MECOM: variants seen among roughly 807,000 people sequenced by gnomAD.
MECOM encodes the protein histone-lysine N-methyltransferase MECOM.
MECOM carries 13 observed loss-of-function variants against 116.3 expected under a neutral mutation model. That is an observed-to-expected ratio of 0.11 (90% CI 0.07 to 0.18). The LOEUF is 0.18. MECOM is among the 10% of genes least tolerant of loss of function. MECOM has a pLI of 1.00. For missense variants in MECOM, 1,299 were observed against 1,509.0 expected (o/e 0.86, Z 2.31); for synonymous variants, 528 against 535.2 (o/e 0.99, Z 0.19).
intron 1 of MECOM, among the ~76,000 whole-genome samples, chr3:169,472,559 AGAGGAGAGGAGAGG>A (rs1749595866): frequency 1.7e-4 from 11 of 64,922 alleles, no homozygotes; most frequent in Non-Finnish European, 2.5e-4. Context: ...AAAAGAAAAG[AGAGGAGAGGAGAGG>A]AGAGGAGAGG....
intron 1 of MECOM, among the ~76,000 whole-genome samples, chr3:169,660,274 G>A (rs763757281): frequency 5.3e-5 from 8 of 152,152 alleles, no homozygotes; most frequent in Admixed American, 1.3e-4. Context: ...ATTCAGGGGC[G>A]TTAGGCACTA....
chr3:169,124,131 T>C (rs779543218), intron 5 of MECOM, among the ~76,000 whole-genome samples: 18 of 152,142 alleles, frequency 1.2e-4, no homozygotes, highest in Admixed American at 9.2e-4. Flanking sequence ...CAATCCATTA[T>C]GTGACTTCGG....
intron 2 of MECOM, among the ~76,000 whole-genome samples, chr3:169,318,897 G>C (rs997664386): frequency 6.6e-6 from 1 of 151,926 alleles, no homozygotes; most frequent in African/African-American, 2.4e-5. Context: ...TCAGGAGTTC[G>C]AGACCAGCCT....
chr3:169,323,352 A>G (rs776479677), intron 2 of MECOM, among the ~76,000 whole-genome samples: 1 of 152,108 alleles, frequency 6.6e-6, no homozygotes, highest in Non-Finnish European at 1.5e-5. Context: ...TCCATGTGGT[A>G]GTAAAATATG....
chr3:169,468,159 C>T (rs1209646222), intron 1 of MECOM, among the ~76,000 whole-genome samples: 2 of 151,644 alleles, frequency 1.3e-5, no homozygotes, highest in African/African-American at 2.4e-5. Context: ...TTTCCTCCCA[C>T]TCTCCCAGGG....
intron 1 of MECOM, among the ~76,000 whole-genome samples, chr3:169,481,207 A>G (rs1017361517): frequency 6.6e-6 from 1 of 152,214 alleles, no homozygotes; most frequent in African/African-American, 2.4e-5. Context: ...TAGCCAATTC[A>G]TGACTTTTAG....
At chr3:169,128,606 A>C (rs543240501) in intron 4 of MECOM, among the ~76,000 whole-genome samples, 2 of 12,600 alleles carry the variant, frequency 1.6e-4, no homozygotes, top group African/African-American at 3.7e-4. Context: ...TCCCTATCTG[A>C]GCCATGTTTA....
intron 2 of MECOM, among the ~76,000 whole-genome samples, chr3:169,318,382 G>T (rs954525495): frequency 4.6e-5 from 7 of 151,888 alleles, no homozygotes; most frequent in African/African-American, 1.7e-4. Flanking sequence ...TCTGACAAAG[G>T]GCTAATATCC....
chr3:169,504,176 T>TGC (rs1754912550), intron 1 of MECOM, among the ~76,000 whole-genome samples: 1 of 149,844 alleles, frequency 6.7e-6, no homozygotes, highest in African/African-American at 2.5e-5. Flanking sequence ...TGTGTGTGTG[T>TGC]GTGTGTGTGT....
intron 1 of MECOM, among the ~76,000 whole-genome samples, chr3:169,462,826 A>G (rs1747679586): frequency 6.6e-6 from 1 of 152,206 alleles, no homozygotes; most frequent in African/African-American, 2.4e-5. Context: ...CAGAATAATT[A>G]TTTTGAAAAT....
chr3:169,617,722 C>T (rs1770189860), intron 1 of MECOM, among the ~76,000 whole-genome samples: 1 of 152,138 alleles, frequency 6.6e-6, no homozygotes, highest in East Asian at 1.9e-4. Flanking sequence ...TGGCCAGAAT[C>T]TAGCAGCTAA....
intron 2 of MECOM, among the ~76,000 whole-genome samples, chr3:169,273,733 T>C (rs1425911077): frequency 6.6e-6 from 1 of 152,026 alleles, no homozygotes; most frequent in Non-Finnish European, 1.5e-5. Flanking sequence ...CTCATCCTAA[T>C]CACATTCAAA....
At chr3:169,451,625 C>A (rs577253319) in intron 1 of MECOM, among the ~76,000 whole-genome samples, 2 of 152,262 alleles carry the variant, frequency 1.3e-5, no homozygotes, top group South Asian at 2.1e-4. Context: ...GGAAAATATT[C>A]TAGGTCTCAA....
At chr3:169,510,289 T>G (rs968260456) in intron 1 of MECOM, among the ~76,000 whole-genome samples, 7 of 152,200 alleles carry the variant, frequency 4.6e-5, no homozygotes, top group African/African-American at 1.7e-4. Context: ...ATTTCCTGTT[T>G]CTAATTTTCA....
chr3:169,660,887 C>T (rs1399061807), intron 1 of MECOM, among the ~76,000 whole-genome samples: 1 of 152,314 alleles, frequency 6.6e-6, no homozygotes, highest in East Asian at 1.9e-4. Flanking sequence ...AAGGCAGCTG[C>T]GGCAGCAACA....
chr3:169,441,296 A>G (rs1397456323), intron 1 of MECOM, among the ~76,000 whole-genome samples: 1 of 152,216 alleles, frequency 6.6e-6, no homozygotes, highest in Non-Finnish European at 1.5e-5. Flanking sequence ...AAGATTTTGT[A>G]CCAAATGAAA....
At chr3:169,275,909 A>T (rs1237222718) in intron 2 of MECOM, among the ~76,000 whole-genome samples, 3 of 152,348 alleles carry the variant, frequency 2.0e-5, no homozygotes, top group Middle Eastern at 6.8e-3. Context: ...CTAACACAAC[A>T]TGTATTCTTT....
intron 1 of MECOM, among the ~76,000 whole-genome samples, chr3:169,404,972 G>A (rs2108418182): frequency 6.6e-6 from 1 of 152,242 alleles, no homozygotes; most frequent in South Asian, 2.1e-4. Flanking sequence ...ACAGATCCAG[G>A]CCTCCATATT....
At chr3:169,662,330 A>G (rs1489466626) in intron 1 of MECOM, among the ~76,000 whole-genome samples, 2 of 152,238 alleles carry the variant, frequency 1.3e-5, no homozygotes, top group African/African-American at 4.8e-5. Flanking sequence ...CCGCGGCCCA[A>G]CGCTCTGGCA....
Sources: gnomAD v4.1 joint callset for allele counts (sites outside exome capture counted in the v4.1 genomes callset) on GRCh38, gnomAD v4.1.1 for gene constraint, MANE v1.5 for transcripts, NCBI Gene and HGNC (gene_info 2026-07-23, HGNC 2026-07-21) for gene names.